The following PRIM2 variants were observed in gnomAD, a reference collection of about 807,000 sequenced individuals.
The protein encoded by PRIM2 is DNA primase subunit 2.
In PRIM2, 39 loss-of-function variants were observed where a neutral mutation model predicts 67.3. The observed-to-expected ratio is 0.58, with a 90% CI of 0.45 to 0.76. The LOEUF (loss-of-function observed/expected upper bound fraction) is 0.76, where lower values mean the gene tolerates loss of function less well. Among genes scored for constraint, PRIM2 ranks in the 30% least tolerant of loss-of-function variants. PRIM2 has a pLI of 0.00. For missense variants in PRIM2, 398 were observed against 598.7 expected, an observed-to-expected ratio of 0.66 and a Z score of 3.50; for synonymous variants, 143 against 198.7, an observed-to-expected ratio of 0.72 and a Z score of 2.36.
At chr6:57,475,543 T>C (rs1453599316) in intron 7 of PRIM2, among the ~76,000 whole-genome samples, 2 of 152,208 alleles carry the variant, frequency 1.3e-5, no homozygotes, top group Non-Finnish European at 2.9e-5. Context: ...CCATTCTTTT[T>C]TACTGCTGAA....
At chr6:57,543,084 C>T (rs1468702948) in intron 10 of PRIM2, among the ~76,000 whole-genome samples, 4 of 148,650 alleles carry the variant, frequency 2.7e-5, no homozygotes, top group South Asian at 4.3e-4. Flanking sequence ...GGACTACAGG[C>T]GCCCGCCACC....
chr6:57,227,041 T>C, the PRIM2 span, among the ~76,000 whole-genome samples: 1 of 152,128 alleles, frequency 6.6e-6, no homozygotes, highest in Non-Finnish European at 1.5e-5. Context: ...TTAGGGCCCT[T>C]ACTAACAAAG....
At chr6:57,301,734 A>C in the PRIM2 span, among the ~76,000 whole-genome samples, 2 of 152,308 alleles carry the variant, frequency 1.3e-5, no homozygotes, top group Non-Finnish European at 2.9e-5. Flanking sequence ...GAGCGTGAGA[A>C]TCACTTGAAG....
intron 12 of PRIM2, among the ~76,000 whole-genome samples, chr6:57,620,554 G>C (rs1422655510): frequency 6.6e-6 from 1 of 152,176 alleles, no homozygotes; most frequent in African/African-American, 2.4e-5. Flanking sequence ...TAGAAGAACT[G>C]CTAAAAGGAG....
At chr6:57,358,847 A>T (rs1321507989) in intron 5 of PRIM2, among the ~76,000 whole-genome samples, 1 of 152,246 alleles carries the variant, frequency 6.6e-6, no homozygotes, top group Non-Finnish European at 1.5e-5. Flanking sequence ...GGTACAGTGG[A>T]TTAAAAATGG....
chr6:57,456,041 A>G (rs1376441815), intron 7 of PRIM2, among the ~76,000 whole-genome samples: 2 of 152,034 alleles, frequency 1.3e-5, no homozygotes, highest in South Asian at 2.1e-4. Flanking sequence ...TCCTTCACTT[A>G]TGAAGCTTAG....
chr6:57,590,634 T>G (rs1236198030), intron 10 of PRIM2, among the ~76,000 whole-genome samples: 1 of 152,144 alleles, frequency 6.6e-6, no homozygotes, highest in African/African-American at 2.4e-5. Flanking sequence ...GATCAGATAT[T>G]GAGGGTGATC....
At chr6:57,269,638 G>T in the PRIM2 span, among the ~76,000 whole-genome samples, 1 of 152,062 alleles carries the variant, frequency 6.6e-6, no homozygotes, top group African/African-American at 2.4e-5. Flanking sequence ...AGTTTAATTA[G>T]ATCCCATTTG....
chr6:57,496,874 C>T (rs1774016079), intron 7 of PRIM2, among the ~76,000 whole-genome samples: 1 of 152,120 alleles, frequency 6.6e-6, no homozygotes, highest in African/African-American at 2.4e-5. Context: ...CAGTGGTAGT[C>T]ACATGAAATG....
intron 10 of PRIM2, among the ~76,000 whole-genome samples, chr6:57,548,342 G>A (rs1464597894): frequency 6.6e-6 from 1 of 152,116 alleles, no homozygotes; most frequent in African/African-American, 2.4e-5. Flanking sequence ...TGGGAATAGA[G>A]TGTGCGTTTC....
chr6:57,332,451 A>G (rs1768083415), intron 5 of PRIM2, among the ~76,000 whole-genome samples: 1 of 152,086 alleles, frequency 6.6e-6, no homozygotes, highest in African/African-American at 2.4e-5. Flanking sequence ...TGTTCTATCC[A>G]TTATTGAAAG....
At chr6:57,582,964 AGT>A (rs1398102085) in intron 10 of PRIM2, among the ~76,000 whole-genome samples, 4 of 99,968 alleles carry the variant, frequency 4.0e-5, no homozygotes, top group African/African-American at 1.6e-4. Flanking sequence ...CAGTCCCCAG[AGT>A]GTGATGTTCC....
At chr6:57,448,238 T>G (rs1284473447) in intron 7 of PRIM2, among the ~76,000 whole-genome samples, 1 of 152,198 alleles carries the variant, frequency 6.6e-6, no homozygotes, top group Non-Finnish European at 1.5e-5. Flanking sequence ...GCAACCATTT[T>G]TATAAGATAT....
chr6:57,517,106 A>G (rs1774503138), intron 8 of PRIM2, among the ~76,000 whole-genome samples: 1 of 152,188 alleles, frequency 6.6e-6, no homozygotes, highest in Admixed American at 6.5e-5. Flanking sequence ...TCAGGAACCA[A>G]GATACCGCTG....
Position 57,531,705 on chromosome 6 carries a change from G to A in PRIM2, c.762-706G>A, listed in dbSNP as rs1377310815. Among the ~76,000 whole-genome samples the A allele has an allele frequency of 1.3e-3, 205 of 152,248 alleles. 5 individuals carry two copies. In the East Asian group the frequency reaches 0.018, roughly 13 times the overall value. On this transcript the variant is annotated intron_variant, in intron 8 of 13. Transcript: ENST00000615550. ...AAAAATGGGGAATTAGGAATCAAAAGGTTTGAGTTCCCACTGCACTGCTGA... is the reference window on the plus strand; with the variant it reads ...AAAAATGGGGAATTAGGAATCAAAAAGTTTGAGTTCCCACTGCACTGCTGA...
At chr6:57,384,661 G>T (rs965839059) in intron 7 of PRIM2, among the ~76,000 whole-genome samples, 2 of 152,136 alleles carry the variant, frequency 1.3e-5, no homozygotes, top group Non-Finnish European at 2.9e-5. Context: ...CTGAGAGTCA[G>T]TGTGTTCCTG....
the PRIM2 span, among the ~76,000 whole-genome samples, chr6:57,289,947 A>C: frequency 6.6e-6 from 1 of 152,172 alleles, no homozygotes; most frequent in Admixed American, 6.5e-5. Flanking sequence ...CCAAATTCAC[A>C]CATAACAATA....
chr6:57,290,571 C>T, the PRIM2 span, among the ~76,000 whole-genome samples: 7 of 152,124 alleles, frequency 4.6e-5, no homozygotes, highest in South Asian at 2.1e-4. Flanking sequence ...AGCACCACGT[C>T]GCACTTATTC....
At chr6:57,358,426 G>A (rs1769100225) in intron 5 of PRIM2, among the ~76,000 whole-genome samples, 1 of 152,170 alleles carries the variant, frequency 6.6e-6, no homozygotes, top group Non-Finnish European at 1.5e-5. Context: ...TCAGTGTGTG[G>A]TGTATCTCTA....
Sources: gnomAD v4.1 joint callset for allele counts (sites outside exome capture counted in the v4.1 genomes callset) on GRCh38, gnomAD v4.1.1 for gene constraint, MANE v1.5 for transcripts, NCBI Gene and HGNC (gene_info 2026-07-23, HGNC 2026-07-21) for gene names.